The following GAS2 variants were observed in gnomAD, a reference collection of about 807,000 sequenced individuals.
GAS2 encodes the protein growth arrest-specific protein 2.
In GAS2, 20 loss-of-function variants were observed where a neutral mutation model predicts 37.5. The ratio of observed to expected loss-of-function variants is 0.53; its 90% confidence interval spans 0.37 to 0.77. The LOEUF (loss-of-function observed/expected upper bound fraction) is 0.77, where lower values mean the gene tolerates loss of function less well. GAS2 is among the 30% of genes least tolerant of loss of function. GAS2 has a pLI of 0.00. For missense variants in GAS2, 336 were observed against 373.4 expected, an observed-to-expected ratio of 0.90 and a Z score of 0.82; for synonymous variants, 144 against 132.2, an observed-to-expected ratio of 1.09 and a Z score of -0.61.
chr11:22,656,748 T>G (rs1193791525), intron 1 of GAS2, among the ~76,000 whole-genome samples: 1 of 152,184 alleles, frequency 6.6e-6, no homozygotes, highest in Non-Finnish European at 1.5e-5. Context: ...CACACAGAGA[T>G]ATTGCTTATT....
intron 1 of GAS2, among the ~76,000 whole-genome samples, chr11:22,673,266 A>G (rs1849278615): frequency 6.6e-6 from 1 of 152,232 alleles, no homozygotes; most frequent in Admixed American, 6.5e-5. Flanking sequence ...ATTTAAAATA[A>G]ATTAACTTAT....
chr11:22,703,927 C>T (rs904730471), intron 3 of GAS2, among the ~76,000 whole-genome samples: 4 of 152,160 alleles, frequency 2.6e-5, no homozygotes, highest in Middle Eastern at 3.4e-3. Context: ...ACAGATGCCT[C>T]GCTAGCATTG....
At chr11:22,736,047 A>G (rs548400318) in intron 4 of GAS2, among the ~76,000 whole-genome samples, 1 of 150,078 alleles carries the variant, frequency 6.7e-6, no homozygotes, top group Admixed American at 6.6e-5. Flanking sequence ...TTGATGATCT[A>G]TACAGGAAGA....
intron 1 of GAS2, among the ~76,000 whole-genome samples, chr11:22,637,676 A>G (rs1359665479): frequency 1.4e-5 from 2 of 138,778 alleles, no homozygotes; most frequent in Non-Finnish European, 1.5e-5. Flanking sequence ...ATAAATATTT[A>G]TATTATATCA....
At chr11:22,627,748 CT>C (rs1433347886) in intron 1 of GAS2, among the ~76,000 whole-genome samples, 1 of 147,470 alleles carries the variant, frequency 6.8e-6, no homozygotes, top group Admixed American at 6.8e-5. Context: ...GCACTCCTGC[CT>C]GGGTGACACA....
chr11:22,811,796 A>C lies in GAS2; in HGVS notation c.724-2A>C. On this transcript the variant is annotated splice_acceptor_variant, in intron 7 of 7. Transcript: ENST00000454584. LOFTEE classifies it high-confidence loss of function. Reference sequence around the variant, plus strand: ...AACACTTTTGATATTTTTTCATTTCAGATGCTGCACAACAAACATGTCATG... The same window carrying C: ...AACACTTTTGATATTTTTTCATTTCCGATGCTGCACAACAAACATGTCATG... 6.2e-7 allele frequency: 1 copy of C among 1,613,720 alleles called. No homozygotes were observed. The highest frequency in any genetic ancestry group is 8.5e-7 in the Non-Finnish European group (1 of 1,179,752).
chr11:22,725,378 T>C (rs1852151014), intron 3 of GAS2, among the ~76,000 whole-genome samples: 1 of 152,140 alleles, frequency 6.6e-6, no homozygotes. Context: ...TTGTATTATA[T>C]GCTATCGCTA....
At chr11:22,717,614 AAG>A (rs1406774839) in intron 3 of GAS2, among the ~76,000 whole-genome samples, 1 of 152,134 alleles carries the variant, frequency 6.6e-6, no homozygotes, top group Non-Finnish European at 1.5e-5. Flanking sequence ...CAACAAAACA[AAG>A]ATAAATAGAT....
intron 3 of GAS2, among the ~76,000 whole-genome samples, chr11:22,710,207 CA>C (rs1348602505): frequency 6.6e-6 from 1 of 151,846 alleles, no homozygotes; most frequent in Admixed American, 6.6e-5. Context: ...CAAACAAAAA[CA>C]ACTTTTTTTC....
intron 1 of GAS2, among the ~76,000 whole-genome samples, chr11:22,643,316 C>T (rs570302867): frequency 9.9e-5 from 15 of 151,858 alleles, no homozygotes; most frequent in Admixed American, 2.6e-4. Flanking sequence ...AGTTCAATGC[C>T]CAGAATCTGA....
intron 1 of GAS2, among the ~76,000 whole-genome samples, chr11:22,642,949 G>A (rs1268590616): frequency 6.6e-6 from 1 of 152,144 alleles, no homozygotes; most frequent in African/African-American, 2.4e-5. Flanking sequence ...TCTTGAGTTT[G>A]AGAGACTTTC....
At chr11:22,641,623 C>T (rs1848630566) in intron 1 of GAS2, among the ~76,000 whole-genome samples, 1 of 151,838 alleles carries the variant, frequency 6.6e-6, no homozygotes. Flanking sequence ...CTGTAACACA[C>T]CTTTTTGATT....
intron 2 of GAS2, among the ~76,000 whole-genome samples, chr11:22,676,028 C>G (rs1429874471): frequency 1.3e-5 from 2 of 152,052 alleles, no homozygotes; most frequent in Non-Finnish European, 2.9e-5. Flanking sequence ...TAGTCCTTAT[C>G]CTAGGATTTC....
Position 22,761,581 on chromosome 11 carries a change from C to T in GAS2, c.723+5628C>T, listed in dbSNP as rs570271940. Among the ~76,000 whole-genome samples, 204 of 152,110 alleles carry T rather than the reference C, an allele frequency of 1.3e-3. 1 individual carries two copies. The South Asian group carries it at 0.021, about 16-fold the overall frequency. On this transcript the variant is annotated intron_variant, in intron 7 of 7. Transcript: ENST00000454584. ...AAGTGTGTTCCCAAGAATAATAGTT[C>T]CAGAAGATGTTCAAAAATATTATTT...
intron 2 of GAS2, among the ~76,000 whole-genome samples, chr11:22,675,710 T>G (rs945657118): frequency 2.0e-5 from 3 of 152,118 alleles, no homozygotes; most frequent in African/African-American, 7.2e-5. Context: ...TCCACTAAGT[T>G]TTTTATAGAG....
intron 3 of GAS2, among the ~76,000 whole-genome samples, chr11:22,696,546 T>C (rs1013327279): frequency 2.0e-5 from 3 of 152,080 alleles, no homozygotes. Flanking sequence ...TGAACTAGTT[T>C]ACAGTCCCAC....
At chr11:22,640,872 A>G (rs548046795) in intron 1 of GAS2, among the ~76,000 whole-genome samples, 24 of 152,278 alleles carry the variant, frequency 1.6e-4, no homozygotes, top group Admixed American at 7.2e-4. Context: ...ACTATTAGCT[A>G]AGAAAAGGGG....
intron 4 of GAS2, among the ~76,000 whole-genome samples, chr11:22,727,806 T>G (rs1000932249): frequency 7.2e-5 from 11 of 152,012 alleles, no homozygotes; most frequent in Non-Finnish European, 1.5e-4. Flanking sequence ...GTGGTTAATT[T>G]ACAGATCAAT....
intron 3 of GAS2, among the ~76,000 whole-genome samples, chr11:22,722,253 T>C (rs899283772): frequency 2.6e-5 from 4 of 151,982 alleles, no homozygotes; most frequent in Non-Finnish European, 4.4e-5. Flanking sequence ...ACTTTTGGAA[T>C]GCATAACTGT....
Sources: allele counts gnomAD v4.1 joint callset (sites outside exome capture counted in the v4.1 genomes callset), GRCh38; gene constraint gnomAD v4.1.1; transcripts MANE v1.5; gene names NCBI Gene and HGNC (gene_info 2026-07-23, HGNC 2026-07-21).